PPAN: variants seen among roughly 807,000 people sequenced by gnomAD.
PPAN encodes the protein suppressor of SWI4 1 homolog.
In PPAN, 39 loss-of-function variants were observed where a neutral mutation model predicts 48.5. That is an observed-to-expected ratio of 0.80 (90% CI 0.62 to 1.05). PPAN has a LOEUF of 1.05. Among genes scored for constraint, PPAN ranks in the 50% least tolerant of loss-of-function variants. The pLI is 0.00. For synonymous variants in PPAN, 315 were observed against 268.6 expected (o/e 1.17, Z -1.69); for missense variants, 736 against 661.7 (o/e 1.11, Z -1.23).
At position 10,106,676 on chromosome 19, in the gene PPAN, G is replaced by A; in HGVS notation, c.189+5G>A. On this transcript the variant is annotated splice_donor_5th_base_variant and intron_variant, in intron 2 of 11. Transcript: ENST00000253107. ...CTCACTGCCAGCCGTCTGCAGGTTT[G>A]TACCCCACCCCCAGCCCGCCTCCAC... 6.6e-7 allele frequency: 1 copy of A among 1,526,350 alleles called. No homozygotes were observed. The highest frequency in any genetic ancestry group is 8.8e-7 in the Non-Finnish European group (1 of 1,132,194). 94.6% of individuals were successfully genotyped at this position (1,526,350 alleles called of 1,614,324 possible).
At position 10,106,854 on chromosome 19, in the gene PPAN, G is replaced by C. The variant is rs1381514613; in HGVS notation, c.189+183G>C. On this transcript the variant is annotated intron_variant, in intron 2 of 11. Transcript: ENST00000253107. ...TGCTGGGCTGGAGTGAGGGCGCGCA[G>C]CTTGGGAGATAGATAGTCGCCTAAG... 5.0e-6 allele frequency: 5 copies of C among 1,000,526 alleles called. 1 individual carries two copies. Among genetic ancestry groups the C allele is most frequent in the Non-Finnish European group, 7.1e-6 (5 of 701,018 alleles). 62.0% of individuals were successfully genotyped at this position (1,000,526 alleles called of 1,614,324 possible).
Position 10,108,682 on chromosome 19 carries a change from G to C in PPAN, c.513+548G>C, listed in dbSNP as rs1022147055. Among the ~76,000 whole-genome samples the C allele has an allele frequency of 2.6e-5, 4 of 151,118 alleles. No individual in the cohort carries two copies. In the South Asian group the frequency reaches 8.4e-4, roughly 32 times the overall value. ...TGGGAGGATCACCTGAGCCCAGGAG[G>C]TCAAGGCTGCAGTGAGTTGTGTTCA... On this transcript the variant is annotated intron_variant, in intron 5 of 11. Coordinates refer to ENST00000253107, the MANE Select transcript of PPAN (RefSeq NM_020230.7).
chr19:10,107,713 A>G (rs367784206), intron 3 of PPAN, 91 bp from the exon 4 acceptor site: 1 of 1,607,992 alleles, frequency 6.2e-7, no homozygotes. Context: ...CTTCAAAGTA[A>G]ACGCTCTGAA....
chr19:10,111,327 T>C lies in PPAN; in HGVS notation c.*162T>C, dbSNP rs948294873. 9.8e-6 allele frequency: 9 copies of C among 923,022 alleles called. No individual in the cohort carries two copies. In the African/African-American group the frequency reaches 1.3e-4, roughly 14 times the overall value. The allele number at this position is 923,022 out of a possible 1,614,324, so 57.2% of individuals were successfully genotyped here. A position where few individuals can be genotyped will look rare whatever the true frequency, so the allele number is the denominator to read the frequency against. On this transcript the variant is annotated 3_prime_UTR_variant, in exon 12 of 12. Transcript: ENST00000253107. Reference sequence around the variant, plus strand: ...CCACGTCAGCGTTTGGGATGGGGGATTCTGGAGCCATACAAAGCAACCCAG... The same window carrying C: ...CCACGTCAGCGTTTGGGATGGGGGACTCTGGAGCCATACAAAGCAACCCAG...
In PPAN at chr19:10,111,228, C is replaced by T; in HGVS notation, c.*63C>T. 1 of 1,438,998 alleles carries T rather than the reference C, an allele frequency of 6.9e-7. No homozygotes were observed. The allele number at this position is 1,438,998 out of a possible 1,614,324, so 89.1% of individuals were successfully genotyped here. A position where few individuals can be genotyped will look rare whatever the true frequency, so the allele number is the denominator to read the frequency against. On this transcript the variant is annotated 3_prime_UTR_variant, in exon 12 of 12. Transcript: ENST00000253107. ...CCCAGATTGGGGCCCGAGATGTGGC[C>T]CTCGGTTTCCTTTCATAAAGGAGTT...
intron 5 of PPAN, among the ~76,000 whole-genome samples, chr19:10,108,656 G>A (rs535847562): frequency 6.6e-6 from 1 of 152,026 alleles, no homozygotes; most frequent in Non-Finnish European, 1.5e-5. Context: ...GGAGGCTGAG[G>A]TGGGAGGATC....
Position 10,109,552 on chromosome 19 carries a change from G to A in PPAN, c.514-79G>A. Reference sequence around the variant, plus strand: ...GCCAGTGCCACAGTCCACGAACAGTGTGTGTATCCCCCAAAGCCCCCACTT... The same window carrying A: ...GCCAGTGCCACAGTCCACGAACAGTATGTGTATCCCCCAAAGCCCCCACTT... On this transcript the variant is annotated intron_variant, in intron 5 of 11. Coordinates refer to ENST00000253107, the MANE Select transcript of PPAN (RefSeq NM_020230.7). The A allele has an allele frequency of 2.1e-6, 3 of 1,461,970 alleles. No individual in the cohort carries two copies. The Middle Eastern group carries it at 5.3e-4, about 261-fold the overall frequency. 90.6% of individuals were successfully genotyped at this position (1,461,970 alleles called of 1,614,324 possible). A position where few individuals can be genotyped will look rare whatever the true frequency, so the allele number is the denominator to read the frequency against.
At chr19:10,109,560 C>T in intron 5 of PPAN, 71 bp from the exon 6 acceptor site, 2 of 1,487,620 alleles carry the variant, frequency 1.3e-6, no homozygotes, top group South Asian at 2.5e-5. Flanking sequence ...GTGTGTGTAT[C>T]CCCCAAAGCC....
Position 10,111,655 on chromosome 19 carries a change from C to T in PPAN, c.*490C>T. ...GGGGCTGGGGCAGGGCCCACTAAGC[C>T]ACTGGTGACTGGGGGAGGGGCTGGG... On this transcript the variant is annotated 3_prime_UTR_variant, in exon 12 of 12. Coordinates refer to ENST00000253107, the MANE Select transcript of PPAN (RefSeq NM_020230.7). 8 of 1,604,794 alleles carry T rather than the reference C, an allele frequency of 5.0e-6. No homozygotes were observed. Among genetic ancestry groups the T allele is most frequent in the Non-Finnish European group, 6.8e-6 (8 of 1,172,758 alleles).
In PPAN at chr19:10,110,232, G is replaced by A. The variant is rs1427167324; in HGVS notation, c.808G>A (p.Val270Met). ...CAACATGCGGGCCCAGCAGAGTGCAGTGCGGCTCACCGAGGTGAGGCCCAG... is the reference window on the plus strand; with the variant it reads ...CAACATGCGGGCCCAGCAGAGTGCAATGCGGCTCACCGAGGTGAGGCCCAG... Reference protein sequence around the residue: ...RGNMRAQQSAVRLTEIGPRMT... With the variant: ...RGNMRAQQSAMRLTEIGPRMT... Residue 270 changes from valine (V) to methionine (M), a missense_variant, in exon 8 of 12, where the codon GTG becomes ATG. Transcript: ENST00000253107. The surrounding 1 kb of genome is among the most constrained non-coding windows in gnomAD (Gnocchi z 5.9). 4.3e-6 allele frequency: 7 copies of A among 1,611,442 alleles called. No individual in the cohort carries two copies. The highest frequency in any genetic ancestry group is 5.9e-6 in the Non-Finnish European group (7 of 1,179,706).
In PPAN at chr19:10,110,567, G is replaced by T. The variant is rs148511579; in HGVS notation, c.984G>T (p.Gln328His). 1 of 1,605,228 alleles carries T rather than the reference G, an allele frequency of 6.2e-7. No homozygotes were observed. Among genetic ancestry groups the T allele is most frequent in the African/African-American group, 1.3e-5 (1 of 74,926 alleles). The change falls in exon 10 of 12, where the codon CAG (glutamine) becomes CAT (histidine). Residue 328 changes from glutamine (Q) to histidine (H), a missense_variant. Gln to His is a conservative substitution (Grantham distance 24). Coordinates refer to ENST00000253107, the MANE Select transcript of PPAN (RefSeq NM_020230.7). The surrounding 1 kb of genome is among the most constrained non-coding windows in gnomAD (Gnocchi z 5.9). ...GGCTGAAGGCGCAGAGGCAGGCCCA[G>T]CAGGCCCAGAATGTGCAGCGCAAGC... ...KLRLKAQRQA[Q>H]QAQNVQRKQE...
In PPAN at chr19:10,111,629, T is replaced by C; in HGVS notation, c.*464T>C. On this transcript the variant is annotated 3_prime_UTR_variant, in exon 12 of 12. Transcript: ENST00000253107. ...TGCTGGCTGGGCCAGTAACTGGGGA[T>C]GGGGCTGGGGCAGGGCCCACTAAGC... 1 of 1,527,156 alleles carries C rather than the reference T, an allele frequency of 6.5e-7. No individual in the cohort carries two copies. Among genetic ancestry groups the C allele is most frequent in the Non-Finnish European group, 9.1e-7 (1 of 1,104,522 alleles). 94.6% of individuals were successfully genotyped at this position (1,527,156 alleles called of 1,614,324 possible). A position where few individuals can be genotyped will look rare whatever the true frequency, so the allele number is the denominator to read the frequency against.
rs1218802672 is a variant in PPAN, at chr19:10,110,000, C to G, written c.678C>G (p.Asp226Glu). 6.2e-7 allele frequency: 1 copy of G among 1,613,972 alleles called. No homozygotes were observed. Among genetic ancestry groups the G allele is most frequent in the African/African-American group, 1.3e-5 (1 of 75,058 alleles). ...EKFPNMSRLQDISELLATGAG... is the reference protein window; with the variant it reads ...EKFPNMSRLQEISELLATGAG... Reference sequence around the variant, plus strand: ...TCCCCAACATGAGCCGCCTGCAGGACATCAGCGAGCTGCTGGCCACGTGAG... The same window carrying G: ...TCCCCAACATGAGCCGCCTGCAGGAGATCAGCGAGCTGCTGGCCACGTGAG... Residue 226 changes from aspartate to glutamate, a missense_variant, in exon 7 of 12, where the codon GAC becomes GAG. Physicochemically the swap from Asp to Glu is conservative, Grantham distance 45 (BLOSUM62 2). Transcript: ENST00000253107.
Position 10,107,488 on chromosome 19 carries a change from CTTTTT to C in PPAN, c.190-16_190-12del. 1 of 1,609,190 alleles carries C rather than the reference CTTTTT, an allele frequency of 6.2e-7. No individual in the cohort carries two copies. ...GGGATAAGCTATGTTTTCTTTTTTT[CTTTTT>C]GTCATTTCCAGGTTCGTAAGAAGAA... is the stretch of plus-strand genomic sequence containing the variant. On this transcript the variant is annotated splice_polypyrimidine_tract_variant and intron_variant, in intron 2 of 11. Transcript: ENST00000253107.
Position 10,111,023 on chromosome 19 carries a change from G to T in PPAN, c.1280G>T (p.Gly427Val). 1 of 1,613,648 alleles carries T rather than the reference G, an allele frequency of 6.2e-7. No homozygotes were observed. The highest frequency in any genetic ancestry group is 8.5e-7 in the Non-Finnish European group (1 of 1,179,976). The change falls in exon 12 of 12, where the codon GGC (glycine) becomes GTC (valine). Residue 427 changes from glycine (G) to valine (V), a missense_variant. Physicochemically the swap from Gly to Val is moderately radical, Grantham distance 109. Coordinates refer to ENST00000253107, the MANE Select transcript of PPAN (RefSeq NM_020230.7). ...RKRKRWEMDR[G>V]RGRLCDQKFP... ...CGGAAGCGGTGGGAAATGGATCGAG[G>T]CAGGGGTCGCCTTTGTGACCAGAAG...
chr19:10,111,308 C>T lies in PPAN; in HGVS notation c.*143C>T, dbSNP rs112367760. The T allele has an allele frequency of 1.9e-4, 203 of 1,051,250 alleles. 1 individual carries two copies. In the Middle Eastern group the frequency reaches 3.1e-3, roughly 16 times the overall value. 65.1% of individuals were successfully genotyped at this position (1,051,250 alleles called of 1,614,324 possible). A position where few individuals can be genotyped will look rare whatever the true frequency, so the allele number is the denominator to read the frequency against. On this transcript the variant is annotated 3_prime_UTR_variant, in exon 12 of 12. Transcript: ENST00000253107. The stretch of plus-strand genomic sequence containing the variant: ...AACTGAATTGGCCAGGGGTCCACGT[C>T]AGCGTTTGGGATGGGGGATTCTGGA...
At chr19:10,107,126 G>A in intron 2 of PPAN, 1 of 409,680 alleles carries the variant, frequency 2.4e-6, no homozygotes, top group South Asian at 2.0e-5. Context: ...AATTAAGGCT[G>A]TAGTGAATCG....
rs369100829 is a variant in PPAN at position 10,109,307 on chromosome 19, ACTC to A, written c.514-321_514-319del. Among the ~76,000 whole-genome samples the A allele has an allele frequency of 7.8e-4, 115 of 147,682 alleles. 2 individuals carry two copies. The South Asian group carries it at 0.021, about 27-fold the overall frequency. On this transcript the variant is annotated intron_variant, in intron 5 of 11. Coordinates refer to ENST00000253107, the MANE Select transcript of PPAN (RefSeq NM_020230.7). ...CGGGGTCTCCGTACGTTGGTCTTGAACTCCTGGGCACAAGCAATCCTGCAGCCT... is the reference window on the plus strand; with the variant it reads ...CGGGGTCTCCGTACGTTGGTCTTGAACTGGGCACAAGCAATCCTGCAGCCT...
rs191916623 is a variant in PPAN at position 10,109,505 on chromosome 19, C to T, written c.514-126C>T. On this transcript the variant is annotated intron_variant, in intron 5 of 11. Transcript: ENST00000253107. Reference sequence around the variant, plus strand: ...TCTGGAGTAGCTAAAACTGCAGGTGCGAGCTGGAAGCAGCATTTCTAGCCA... The same window carrying T: ...TCTGGAGTAGCTAAAACTGCAGGTGTGAGCTGGAAGCAGCATTTCTAGCCA... 143 of 1,173,268 alleles carry T rather than the reference C, an allele frequency of 1.2e-4. No homozygotes were observed. The East Asian group carries it at 2.0e-3, about 16-fold the overall frequency. 72.7% of individuals were successfully genotyped at this position (1,173,268 alleles called of 1,614,324 possible). A position where few individuals can be genotyped will look rare whatever the true frequency, so the allele number is the denominator to read the frequency against.
Sources: allele counts gnomAD v4.1 joint callset (sites outside exome capture counted in the v4.1 genomes callset), GRCh38; gene constraint gnomAD v4.1.1; non-coding constraint Gnocchi (gnomAD v3.1); transcripts MANE v1.5; gene names NCBI Gene and HGNC (gene_info 2026-07-23, HGNC 2026-07-21).